PCDHGA6: variants seen among roughly 807,000 people sequenced by gnomAD.
PCDHGA6 encodes the protein protocadherin gamma-A6.
Under a neutral mutation model 60.6 loss-of-function variants are expected in PCDHGA6, and 41 were observed. The observed-to-expected ratio is 0.68, with a 90% confidence interval of 0.53 to 0.88. The LOEUF (loss-of-function observed/expected upper bound fraction) is 0.88. PCDHGA6 is among the 40% of genes least tolerant of loss of function. The probability of loss-of-function intolerance (pLI) is 0.00; values close to 1 mark genes in which losing one functional copy is unlikely to be tolerated. For missense variants in PCDHGA6, 1,312 were observed against 1,203.0 expected, an observed-to-expected ratio of 1.09 and a Z score of -1.34; for synonymous variants, 594 against 524.4, an observed-to-expected ratio of 1.13 and a Z score of -1.81.
rs532675537 is a variant in PCDHGA6, at chr5:141,508,584, T to C, written c.2573-2363T>C. Among the ~76,000 whole-genome samples, 87 of 152,266 alleles carry C rather than the reference T, an allele frequency of 5.7e-4. 1 individual carries two copies. Among genetic ancestry groups the C allele is most frequent in the African/African-American group, 1.6e-3 (66 of 41,552 alleles). On this transcript the variant is annotated intron_variant, in intron 3 of 3. Coordinates refer to ENST00000517434, the MANE Select transcript of PCDHGA6 (RefSeq NM_018919.3). The stretch of plus-strand genomic sequence containing the variant: ...TGTCACTTGCACCCACTCGGGGTGC[T>C]ACTCAGAGATCTTGGGTGCACATAG...
Position 141,403,510 on chromosome 5 carries a change from C to T in PCDHGA6, c.2424+27003C>T, listed in dbSNP as rs201146573. ...TCTCCCTGAACGTGCAGACTGGAGA[C>T]AATGGAGCCATAAACCCAGAGCTGG... On this transcript the variant is annotated intron_variant, in intron 1 of 3. Transcript: ENST00000517434. 9.2e-4 allele frequency: 1,478 copies of T among 1,614,022 alleles called. 1 individual carries two copies. Among genetic ancestry groups the T allele is most frequent in the Non-Finnish European group, 1.2e-3 (1,414 of 1,179,888 alleles).
In PCDHGA6 at chr5:141,506,176, C is replaced by T. The variant is rs183157987; in HGVS notation, c.2572+695C>T. ...CCTTAAGAGCACAGCCTAAGCTGGG[C>T]GTGGTGGCTCACGCCTGTAATCCCA... is the stretch of plus-strand genomic sequence containing the variant. On this transcript the variant is annotated intron_variant, in intron 3 of 3. Coordinates refer to ENST00000517434, the MANE Select transcript of PCDHGA6 (RefSeq NM_018919.3). Among the ~76,000 whole-genome samples the T allele has an allele frequency of 3.0e-3, 454 of 152,234 alleles. 1 individual carries two copies. The highest frequency in any genetic ancestry group is 0.021 in the Admixed American group (317 of 15,296).
Position 141,375,053 on chromosome 5 carries a change from G to T in PCDHGA6, c.970G>T (p.Gly324Trp). The T allele has an allele frequency of 1.2e-6, 2 of 1,614,046 alleles. No homozygotes were observed. The highest frequency in any genetic ancestry group is 2.2e-5 in the South Asian group (2 of 91,088). ...TGAGCTGGGTGTTGAAGCCCGGGATGGGCCAGGTCTTCGAGACAGAGCGAA... is the reference window on the plus strand; with the variant it reads ...TGAGCTGGGTGTTGAAGCCCGGGATTGGCCAGGTCTTCGAGACAGAGCGAA... ...FYELGVEARD[G>W]PGLRDRAKVL... is the part of the protein sequence containing the mutation. The change falls in exon 1 of 4, where the codon GGG becomes TGG. Residue 324 changes from glycine to tryptophan, a missense_variant. Physicochemically the swap from Gly to Trp is radical, Grantham distance 184. Transcript: ENST00000517434.
At chr5:141,427,396 A>G (rs1303085720) in intron 1 of PCDHGA6, 1 of 460,578 alleles carries the variant, frequency 2.2e-6, no homozygotes, top group Non-Finnish European at 4.4e-6. Context: ...AAAACACATG[A>G]TAAAGATTCG....
intron 1 of PCDHGA6, chr5:141,403,193 A>G (rs1291009856): frequency 1.9e-6 from 3 of 1,613,986 alleles, no homozygotes; most frequent in South Asian, 2.2e-5. Context: ...GAACCCGCGC[A>G]GCGGCACCTT....
chr5:141,432,413 G>T lies in PCDHGA6; in HGVS notation c.2424+55906G>T, dbSNP rs369816901. On this transcript the variant is annotated intron_variant, in intron 1 of 3. Transcript: ENST00000517434. This position sits in a 1 kb window ranked among gnomAD's most constrained non-coding sequence, Gnocchi z 6.0. ...CAGCAACGTGTCGTTGAGCCTGTTCGTGCTGGACCAGAACGACAATGCGCC... is the reference window on the plus strand; with the variant it reads ...CAGCAACGTGTCGTTGAGCCTGTTCTTGCTGGACCAGAACGACAATGCGCC... The T allele has an allele frequency of 6.2e-7, 1 of 1,614,232 alleles. No homozygotes were observed.
At chr5:141,394,278 TACTC>T in intron 1 of PCDHGA6, 1 of 1,613,924 alleles carries the variant, frequency 6.2e-7, no homozygotes, top group East Asian at 2.2e-5. Flanking sequence ...CCAGGTCACT[TACTC>T]TGTGACCGAG....
intron 1 of PCDHGA6, chr5:141,415,740 G>GTTTTTTTTTTTTTGTTT (rs2095912299): frequency 1.9e-6 from 1 of 515,998 alleles, no homozygotes; most frequent in Non-Finnish European, 2.6e-6. Context: ...GTTTATTAAG[G>GTTTTTTTTTTTTTGTTT]TTTTTTTTTT....
At chr5:141,390,405 T>C in intron 1 of PCDHGA6, 1 of 1,264,524 alleles carries the variant, frequency 7.9e-7, no homozygotes, top group Non-Finnish European at 1.1e-6. Flanking sequence ...TTTAGGAAAG[T>C]TGTAGTCAGT....
rs1231121250 is a variant in PCDHGA6 at position 141,399,544 on chromosome 5, T to G, written c.2424+23037T>G. The G allele has an allele frequency of 5.6e-6, 9 of 1,614,022 alleles. No individual in the cohort carries two copies. The highest frequency in any genetic ancestry group is 7.6e-6 in the Non-Finnish European group (9 of 1,179,882). ...GGCCTCCATCGCGCAAGTCTGCGCCTCGGACCTGGACTTGGGGTTGAACGG... is the reference window on the plus strand; with the variant it reads ...GGCCTCCATCGCGCAAGTCTGCGCCGCGGACCTGGACTTGGGGTTGAACGG... On this transcript the variant is annotated intron_variant, in intron 1 of 3. Transcript: ENST00000517434.
At chr5:141,388,906 A>G (rs943139475) in intron 1 of PCDHGA6, 5 of 1,613,898 alleles carry the variant, frequency 3.1e-6, no homozygotes, top group African/African-American at 2.7e-5. Flanking sequence ...GAAAATGACA[A>G]CGCCCCAGAA....
Position 141,493,689 on chromosome 5 carries a change from C to A in PCDHGA6, c.2425-1118C>A, listed in dbSNP as rs2099749557. The stretch of plus-strand genomic sequence containing the variant: ...GGCAGCCCCAGAATGGTGCTGGTGA[C>A]TCCCGATACACCTGGAATGCTAGGT... On this transcript the variant is annotated intron_variant, in intron 1 of 3. Transcript: ENST00000517434. The surrounding 1 kb of genome is among the most constrained non-coding windows in gnomAD (Gnocchi z 4.3). Among the ~76,000 whole-genome samples the A allele has an allele frequency of 6.6e-6, 1 of 152,218 alleles. No homozygotes were observed. The highest frequency in any genetic ancestry group is 2.4e-5 in the African/African-American group (1 of 41,450).
intron 1 of PCDHGA6, chr5:141,419,861 T>G (rs749551833): frequency 6.2e-7 from 1 of 1,614,098 alleles, no homozygotes; most frequent in Non-Finnish European, 8.5e-7. Context: ...CGCAGATAGC[T>G]TGCAAGAGGT....
chr5:141,400,452 A>C, intron 1 of PCDHGA6: 3 of 1,614,038 alleles, frequency 1.9e-6, no homozygotes, highest in Non-Finnish European at 2.5e-6. Context: ...GACAAGACAT[A>C]CTTTGTGGTG....
At chr5:141,451,926 T>G (rs994841982) in intron 1 of PCDHGA6, among the ~76,000 whole-genome samples, 5 of 151,122 alleles carry the variant, frequency 3.3e-5, no homozygotes, top group Non-Finnish European at 7.4e-5. Context: ...GGAAGGGAGG[T>G]AGGGAGGCAG....
chr5:141,490,454 C>T lies in PCDHGA6; in HGVS notation c.2425-4353C>T. The T allele has an allele frequency of 3.1e-6, 5 of 1,614,176 alleles. No homozygotes were observed. The highest frequency in any genetic ancestry group is 4.2e-6 in the Non-Finnish European group (5 of 1,180,020). On this transcript the variant is annotated intron_variant, in intron 1 of 3. Transcript: ENST00000517434. The surrounding 1 kb of genome is among the most constrained non-coding windows in gnomAD (Gnocchi z 5.4). The stretch of plus-strand genomic sequence containing the variant: ...ATTAAGCCTTCTGAGAACCACTACT[C>T]GCTGCTAACCAGCCAGCCTTTGGAC...
Position 141,489,317 on chromosome 5 carries a change from G to T in PCDHGA6, c.2425-5490G>T. ...ATGTTGTCCTTGTGCTGCTGGGGCT[G>T]GGTGTCTGGGCAGCTTCGTTACTCA... is the stretch of plus-strand genomic sequence containing the variant. On this transcript the variant is annotated intron_variant, in intron 1 of 3. Coordinates refer to ENST00000517434, the MANE Select transcript of PCDHGA6 (RefSeq NM_018919.3). The surrounding 1 kb of genome is among the most constrained non-coding windows in gnomAD (Gnocchi z 4.5). 6.3e-7 allele frequency: 1 copy of T among 1,598,654 alleles called. No homozygotes were observed. The highest frequency in any genetic ancestry group is 8.5e-7 in the Non-Finnish European group (1 of 1,171,456).
At chr5:141,394,395 C>A (rs1238779909) in intron 1 of PCDHGA6, 3 of 1,614,146 alleles carry the variant, frequency 1.9e-6, no homozygotes, top group African/African-American at 1.3e-5. Context: ...GATCCGAGAC[C>A]TGCAGCTACT....
rs550161736 is a variant in PCDHGA6, at chr5:141,427,826, G to T, written c.2424+51319G>T. ...GCGCACAGAGCGGGGTGGTGGTCGCGCAGCGTGCCTTCGACCACGAGCAGC... is the reference window on the plus strand; with the variant it reads ...GCGCACAGAGCGGGGTGGTGGTCGCTCAGCGTGCCTTCGACCACGAGCAGC... On this transcript the variant is annotated intron_variant, in intron 1 of 3. Coordinates refer to ENST00000517434, the MANE Select transcript of PCDHGA6 (RefSeq NM_018919.3). The T allele has an allele frequency of 2.6e-6, 4 of 1,536,502 alleles. No individual in the cohort carries two copies. The East Asian group carries it at 6.8e-5, about 26-fold the overall frequency.
Sources: gnomAD v4.1 joint callset for allele counts (sites outside exome capture counted in the v4.1 genomes callset) on GRCh38, gnomAD v4.1.1 for gene constraint, Gnocchi (gnomAD v3.1) non-coding constraint, MANE v1.5 for transcripts, NCBI Gene and HGNC (gene_info 2026-07-23, HGNC 2026-07-21) for gene names.